Variants in EPHA6 observed in about 807,000 individuals in gnomAD.
The protein encoded by EPHA6 is EPH receptor A6.
In EPHA6, 50 loss-of-function variants were observed where a neutral mutation model predicts 112.0. The observed-to-expected ratio is 0.45, with a 90% CI of 0.36 to 0.56. EPHA6 has a LOEUF of 0.56. Ranked by LOEUF, EPHA6 falls within the 20% of genes least tolerant of loss-of-function variation. The pLI is 0.00. For synonymous variants in EPHA6, 529 were observed against 490.7 expected (o/e 1.08, Z -1.03); for missense variants, 1,280 against 1,417.4 (o/e 0.90, Z 1.56).
chr3:97,531,049 C>G (rs979619109), intron 10 of EPHA6, among the ~76,000 whole-genome samples: 1 of 151,946 alleles, frequency 6.6e-6, no homozygotes, highest in Non-Finnish European at 1.5e-5. Context: ...ATTTTAATTT[C>G]TTTCATCCTT....
intron 3 of EPHA6, among the ~76,000 whole-genome samples, chr3:97,086,824 A>G (rs1439592010): frequency 6.6e-6 from 1 of 151,570 alleles, no homozygotes; most frequent in Non-Finnish European, 1.5e-5. Flanking sequence ...CAATTTACAT[A>G]TCTAAAGAAT....
chr3:97,620,820 GT>G (rs1421119373), intron 13 of EPHA6, among the ~76,000 whole-genome samples: 1 of 151,990 alleles, frequency 6.6e-6, no homozygotes, highest in Non-Finnish European at 1.5e-5. Flanking sequence ...TGGTGGCAGT[GT>G]AAATTAGTTC....
intron 7 of EPHA6, among the ~76,000 whole-genome samples, chr3:97,459,851 C>A (rs778687285): frequency 9.2e-5 from 14 of 152,192 alleles, no homozygotes; most frequent in Non-Finnish European, 1.9e-4. Context: ...CATGCTTGCT[C>A]TCTGCCAGCA....
chr3:97,694,559 T>C (rs1559607708), intron 14 of EPHA6, among the ~76,000 whole-genome samples: 1 of 152,186 alleles, frequency 6.6e-6, no homozygotes, highest in Non-Finnish European at 1.5e-5. Flanking sequence ...TCATATCTAA[T>C]ATTCTATGGG....
intron 5 of EPHA6, among the ~76,000 whole-genome samples, chr3:97,251,232 G>T (rs1372927425): frequency 2.6e-5 from 4 of 151,710 alleles, no homozygotes; most frequent in Non-Finnish European, 4.4e-5. Flanking sequence ...GCATTAATGT[G>T]TAAGAATAAA....
intron 5 of EPHA6, among the ~76,000 whole-genome samples, chr3:97,328,913 C>T (rs1305604331): frequency 6.6e-6 from 1 of 151,908 alleles, no homozygotes; most frequent in African/African-American, 2.4e-5. Flanking sequence ...TGTGCTGCAC[C>T]CAGTAACTCG....
chr3:96,974,781 G>A (rs1286299986), intron 2 of EPHA6, among the ~76,000 whole-genome samples: 10 of 152,106 alleles, frequency 6.6e-5, no homozygotes, highest in Admixed American at 6.5e-4. Context: ...GCAAGAATCA[G>A]CTGTCCTTTG....
intron 3 of EPHA6, among the ~76,000 whole-genome samples, chr3:97,100,751 C>G (rs2047380526): frequency 6.6e-6 from 1 of 151,740 alleles, no homozygotes; most frequent in Non-Finnish European, 1.5e-5. Context: ...AGTGATATAC[C>G]AAGTGTTTCC....
chr3:97,638,292 C>A lies in EPHA6; in HGVS notation c.2784+210C>A, dbSNP rs143549951. On this transcript the variant is annotated intron_variant, in intron 14 of 17. Transcript: ENST00000389672. The stretch of plus-strand genomic sequence containing the variant: ...AGAAAACAAAAACTTTCATACCTGA[C>A]TGTTTTCTTTCTTTCATTGTCCTGG... Among the ~76,000 whole-genome samples, 31 of 152,232 alleles carry A rather than the reference C, an allele frequency of 2.0e-4. No individual in the cohort carries two copies. The East Asian group carries it at 5.6e-3, about 28-fold the overall frequency.
Position 97,314,351 on chromosome 3 carries a change from C to A in EPHA6, c.1606+70064C>A, listed in dbSNP as rs193010974. Among the ~76,000 whole-genome samples the A allele has an allele frequency of 4.8e-3, 724 of 151,594 alleles. 4 individuals are homozygous for A. The highest frequency in any genetic ancestry group is 7.1e-3 in the Non-Finnish European group (478 of 67,618). Reference sequence around the variant, plus strand: ...GGATTGCTTTGGCTATTTGGAGTCTCTTCTGGATCCATATGAGTTTTAAGA... The same window carrying A: ...GGATTGCTTTGGCTATTTGGAGTCTATTCTGGATCCATATGAGTTTTAAGA... On this transcript the variant is annotated intron_variant, in intron 5 of 17. Coordinates refer to ENST00000389672, the MANE Select transcript of EPHA6 (RefSeq NM_001080448.3).
At chr3:97,070,159 A>G (rs2046308496) in intron 3 of EPHA6, among the ~76,000 whole-genome samples, 1 of 152,098 alleles carries the variant, frequency 6.6e-6, no homozygotes, top group South Asian at 2.1e-4. Flanking sequence ...GGTTTTCTTC[A>G]GAGCTTTTGT....
chr3:97,095,945 C>G (rs2047222946), intron 3 of EPHA6, among the ~76,000 whole-genome samples: 1 of 151,740 alleles, frequency 6.6e-6, no homozygotes, highest in Admixed American at 6.6e-5. Flanking sequence ...TTTTGTTTTT[C>G]TTCCACTCTA....
At chr3:97,598,161 TA>T (rs2093610031) in intron 12 of EPHA6, among the ~76,000 whole-genome samples, 2 of 151,972 alleles carry the variant, frequency 1.3e-5, no homozygotes, top group Non-Finnish European at 2.9e-5. Flanking sequence ...TTTATTTATT[TA>T]TTTTTTTTGG....
chr3:96,866,962 G>T, intron 2 of EPHA6, 73 bp downstream of exon 2: 1 of 823,862 alleles, frequency 1.2e-6, no homozygotes, highest in South Asian at 2.2e-5. Flanking sequence ...ATGGAACAGT[G>T]AATTTTGGGC....
chr3:97,615,039 C>T (rs1273412058), intron 13 of EPHA6, among the ~76,000 whole-genome samples: 1 of 152,098 alleles, frequency 6.6e-6, no homozygotes, highest in East Asian at 1.9e-4. Flanking sequence ...GTGAATAATA[C>T]AGAACCTTCA....
intron 2 of EPHA6, among the ~76,000 whole-genome samples, chr3:96,985,566 C>T (rs1054229174): frequency 1.8e-4 from 27 of 152,074 alleles, no homozygotes; most frequent in Non-Finnish European, 7.4e-5. Flanking sequence ...TGGGAAATAT[C>T]ATGTATATTC....
intron 1 of EPHA6, among the ~76,000 whole-genome samples, chr3:96,855,066 C>G (rs2035615131): frequency 6.6e-6 from 1 of 152,046 alleles, no homozygotes; most frequent in Non-Finnish European, 1.5e-5. Flanking sequence ...TGGAGACCAC[C>G]CATGTTCCTC....
At chr3:97,120,691 A>T (rs188519608) in intron 3 of EPHA6, among the ~76,000 whole-genome samples, 2 of 152,052 alleles carry the variant, frequency 1.3e-5, no homozygotes, top group East Asian at 3.9e-4. Flanking sequence ...AAATTATTCA[A>T]ATGTGTTAAA....
At chr3:97,056,462 A>G (rs1023030857) in intron 3 of EPHA6, among the ~76,000 whole-genome samples, 1 of 152,138 alleles carries the variant, frequency 6.6e-6, no homozygotes, top group African/African-American at 2.4e-5. Flanking sequence ...AAGAGAAGGG[A>G]GGAAATTGGT....
Sources: allele counts gnomAD v4.1 joint callset (sites outside exome capture counted in the v4.1 genomes callset), GRCh38; gene constraint gnomAD v4.1.1; transcripts MANE v1.5; gene names NCBI Gene and HGNC (gene_info 2026-07-23, HGNC 2026-07-21).